Variants in ZFP36L1 observed in about 807,000 individuals in gnomAD.
ZFP36L1 encodes the protein mRNA decay activator protein ZFP36L1.
Under a neutral mutation model 16.7 loss-of-function variants are expected in ZFP36L1, and 4 were observed. The ratio of observed to expected loss-of-function variants is 0.24; its 90% CI spans 0.12 to 0.55. The LOEUF (loss-of-function observed/expected upper bound fraction) is 0.55. Among genes scored for constraint, ZFP36L1 ranks in the 20% least tolerant of loss-of-function variants. ZFP36L1 has a pLI of 0.94. For missense variants in ZFP36L1, 311 were observed against 449.2 expected (o/e 0.69, Z 2.78); for synonymous variants, 220 against 190.8 (o/e 1.15, Z -1.26).
At position 68,789,743 on chromosome 14, in the gene ZFP36L1, G is replaced by A. The variant is rs754854659; in HGVS notation, c.807C>T (p.Pro269=). Residue 269 remains proline (P), a synonymous_variant, in exon 2 of 2, where the codon CCC becomes CCT. Transcript: ENST00000439696. This position sits in a 1 kb window ranked among gnomAD's most constrained non-coding sequence, Gnocchi z 4.5. ...ASLFAPSMGL[P]GGGSPTTFLF... is the part of the protein sequence containing the mutation. ...GGAAGGTGGTCGGGGAGCCACCCCCGGGCAGCCCCATGCTAGGGGCAAAGA... is the reference window on the plus strand; with the variant it reads ...GGAAGGTGGTCGGGGAGCCACCCCCAGGCAGCCCCATGCTAGGGGCAAAGA... The A allele has an allele frequency of 3.7e-6, 6 of 1,614,050 alleles. No individual in the cohort carries two copies. The highest frequency in any genetic ancestry group is 2.2e-5 in the South Asian group (2 of 91,086).
chr14:68,789,387 C>T lies in ZFP36L1; in HGVS notation c.*146G>A. 1.6e-6 allele frequency: 2 copies of T among 1,228,120 alleles called. No homozygotes were observed. The highest frequency in any genetic ancestry group is 2.3e-6 in the Non-Finnish European group (2 of 887,300). The allele number at this position is 1,228,120 out of a possible 1,614,324, so 76.1% of individuals were successfully genotyped here. Reference sequence around the variant, plus strand: ...GGTTATGAGGGGGAGAGGGAGGGCACATTCTGAGGTGCTGGGGGAAAGGGG... The same window carrying T: ...GGTTATGAGGGGGAGAGGGAGGGCATATTCTGAGGTGCTGGGGGAAAGGGG... On this transcript the variant is annotated 3_prime_UTR_variant, in exon 2 of 2. Coordinates refer to ENST00000439696, the MANE Select transcript of ZFP36L1 (RefSeq NM_004926.4). This position sits in a 1 kb window ranked among gnomAD's most constrained non-coding sequence, Gnocchi z 4.5.
chr14:68,792,693 T>G (rs1895127734), intron 1 of ZFP36L1, among the ~76,000 whole-genome samples, 189 bp downstream of exon 1: 1 of 152,126 alleles, frequency 6.6e-6, no homozygotes, highest in African/African-American at 2.4e-5. Context: ...CGCCAGCAAC[T>G]GTTGAAACTC....
Position 68,789,899 on chromosome 14 carries a change from G to T in ZFP36L1, c.651C>A (p.Thr217=), listed in dbSNP as rs747138115. 1 of 1,609,362 alleles carries T rather than the reference G, an allele frequency of 6.2e-7. No individual in the cohort carries two copies. The highest frequency in any genetic ancestry group is 8.5e-7 in the Non-Finnish European group (1 of 1,179,430). Residue 217 remains threonine (T), a synonymous_variant, in exon 2 of 2, where the codon ACC becomes ACA. Coordinates refer to ENST00000439696, the MANE Select transcript of ZFP36L1 (RefSeq NM_004926.4). This position sits in a 1 kb window ranked among gnomAD's most constrained non-coding sequence, Gnocchi z 4.5. The part of the protein sequence containing the change: ...FPSAAATAAA[T]GLLDSPTSIT... ...TGGACGTGGGGCTGTCCAGCAGCCC[G>T]GTGGCAGCGGCGGTGGCAGCGGCAC...
At chr14:68,792,771 T>G (rs547389771) in intron 1 of ZFP36L1, 111 bp downstream of exon 1, 2 of 1,447,190 alleles carry the variant, frequency 1.4e-6, no homozygotes, top group East Asian at 2.3e-5. Flanking sequence ...AAAAGAATCA[T>G]CTCGCTGCAC....
chr14:68,795,728 G>A (rs1278055382), upstream of ZFP36L1: 8 of 520,794 alleles, frequency 1.5e-5, no homozygotes, highest in East Asian at 1.7e-4. Context: ...CCGACCAAGG[G>A]TTTGTTCCAG....
chr14:68,790,124 G>C lies in ZFP36L1; in HGVS notation c.426C>G (p.His142Gln), dbSNP rs1345063597. Residue 142 changes from histidine (H) to glutamine (Q), a missense_variant, in exon 2 of 2, where the codon CAC becomes CAG. By Grantham distance (24) the His-to-Gln change is conservative. Coordinates refer to ENST00000439696, the MANE Select transcript of ZFP36L1 (RefSeq NM_004926.4). ...GGTGGCGGGTCAGGCTGCGGAGCTC[G>C]TGGATGCCGTGTGCGAACTGGCACT... Reference protein sequence around the residue: ...GDKCQFAHGIHELRSLTRHPK... With the variant: ...GDKCQFAHGIQELRSLTRHPK... 1 of 1,610,720 alleles carries C rather than the reference G, an allele frequency of 6.2e-7. No individual in the cohort carries two copies. Among genetic ancestry groups the C allele is most frequent in the East Asian group, 2.2e-5 (1 of 44,808 alleles).
chr14:68,789,403 G>T lies in ZFP36L1; in HGVS notation c.*130C>A. 7.2e-7 allele frequency: 1 copy of T among 1,391,408 alleles called. No homozygotes were observed. The highest frequency in any genetic ancestry group is 1.3e-5 in the South Asian group (1 of 75,030). 86.2% of individuals were successfully genotyped at this position (1,391,408 alleles called of 1,614,324 possible). A position where few individuals can be genotyped will look rare whatever the true frequency, so the allele number is the denominator to read the frequency against. ...GGGAGGGCACATTCTGAGGTGCTGG[G>T]GGAAAGGGGTTGAGCTTAACCTTGT... is the stretch of plus-strand genomic sequence containing the variant. On this transcript the variant is annotated 3_prime_UTR_variant, in exon 2 of 2. Transcript: ENST00000439696. The surrounding 1 kb of genome is among the most constrained non-coding windows in gnomAD (Gnocchi z 4.5).
upstream of ZFP36L1, chr14:68,793,289 A>G (rs1895158693): frequency 9.5e-7 from 1 of 1,055,942 alleles, no homozygotes; most frequent in African/African-American, 1.7e-5. Context: ...AGGCGGAAAA[A>G]AAAAACCCCA....
intron 1 of ZFP36L1, among the ~76,000 whole-genome samples, chr14:68,792,595 C>T (rs576826708): frequency 1.3e-5 from 2 of 152,188 alleles, no homozygotes; most frequent in South Asian, 2.1e-4. Flanking sequence ...TTGTCCCAAT[C>T]CCAGCCCTCC....
chr14:68,795,935 G>A, upstream of ZFP36L1: 1 of 1,180,366 alleles, frequency 8.5e-7, no homozygotes. Context: ...GTCGACAGGT[G>A]CCCAGGGGTG....
At chr14:68,795,410 A>T (rs1895223744), upstream of ZFP36L1, among the ~76,000 whole-genome samples, 1 of 151,580 alleles carries the variant, frequency 6.6e-6, no homozygotes, top group South Asian at 2.1e-4. Context: ...GAAAAAAGCA[A>T]AGGGGAAGGG....
chr14:68,795,289 C>T (rs1895219175), upstream of ZFP36L1, among the ~76,000 whole-genome samples: 1 of 152,148 alleles, frequency 6.6e-6, no homozygotes, highest in Admixed American at 6.5e-5. Flanking sequence ...TTCCCCCGGC[C>T]TCCACCCATT....
intron 1 of ZFP36L1, among the ~76,000 whole-genome samples, 155 bp downstream of exon 1, chr14:68,792,727 A>C (rs1166488877): frequency 1.3e-5 from 2 of 152,298 alleles, no homozygotes; most frequent in East Asian, 1.9e-4. Flanking sequence ...GACGGGGCCA[A>C]ATTCCTTCAA....
chr14:68,789,455 T>A lies in ZFP36L1; in HGVS notation c.*78A>T. ...AATGTAGGGCCTGTGGGGAATGGGA[T>A]GGGTAGGGAGAAGAGGGTATGGGAT... On this transcript the variant is annotated 3_prime_UTR_variant, in exon 2 of 2. Coordinates refer to ENST00000439696, the MANE Select transcript of ZFP36L1 (RefSeq NM_004926.4). The surrounding 1 kb of genome is among the most constrained non-coding windows in gnomAD (Gnocchi z 4.5). 6.3e-7 allele frequency: 1 copy of A among 1,588,280 alleles called. No individual in the cohort carries two copies. Among genetic ancestry groups the A allele is most frequent in the Non-Finnish European group, 8.6e-7 (1 of 1,165,412 alleles).
At chr14:68,794,831 T>C (rs1054110052), upstream of ZFP36L1, 3 of 152,596 alleles carry the variant, frequency 2.0e-5, no homozygotes, top group Non-Finnish European at 4.4e-5. Flanking sequence ...AAACCGGCTG[T>C]TTTTCAACTT....
intron 1 of ZFP36L1, chr14:68,791,318 A>G (rs1895063475): frequency 4.0e-6 from 2 of 499,104 alleles, no homozygotes; most frequent in Non-Finnish European, 7.1e-6. Flanking sequence ...GCAGATGGAA[A>G]GGAAAAGGAA....
At chr14:68,791,520 CA>C (rs1895069344) in intron 1 of ZFP36L1, among the ~76,000 whole-genome samples, 1 of 151,892 alleles carries the variant, frequency 6.6e-6, no homozygotes, top group African/African-American at 2.4e-5. Flanking sequence ...TGTCATTGTG[CA>C]AATTCTAATG....
At chr14:68,791,437 T>G (rs928131723) in intron 1 of ZFP36L1, among the ~76,000 whole-genome samples, 1 of 152,158 alleles carries the variant, frequency 6.6e-6, no homozygotes, top group Admixed American at 6.5e-5. Flanking sequence ...CCTGGTCACC[T>G]GCCCAAATTG....
At position 68,792,977 on chromosome 14, in the gene ZFP36L1, T is replaced by A; in HGVS notation, c.-39A>T. 6.2e-7 allele frequency: 1 copy of A among 1,612,782 alleles called. No individual in the cohort carries two copies. Among genetic ancestry groups the A allele is most frequent in the Non-Finnish European group, 8.5e-7 (1 of 1,179,698 alleles). On this transcript the variant is annotated 5_prime_UTR_variant, in exon 1 of 2. Transcript: ENST00000439696. ...GCGAGCCAGGGGCGAGGATCTGGTG[T>A]GTCGCGAAGGTCCCGGTGCGGGGAA...
Sources: allele counts gnomAD v4.1 joint callset (sites outside exome capture counted in the v4.1 genomes callset), GRCh38; gene constraint gnomAD v4.1.1; non-coding constraint Gnocchi (gnomAD v3.1); transcripts MANE v1.5; gene names NCBI Gene and HGNC (gene_info 2026-07-23, HGNC 2026-07-21).